Variants in CASP9 observed in about 807,000 individuals in gnomAD.
CASP9 encodes caspase-9.
A neutral mutation model predicts 43.5 loss-of-function variants in CASP9; 29 were observed. The observed-to-expected ratio is 0.67, with a 90% CI of 0.50 to 0.91. CASP9 has a LOEUF of 0.91. Ranked by LOEUF, CASP9 falls within the 40% of genes least tolerant of loss-of-function variation. The probability of loss-of-function intolerance (pLI) is 0.00; values close to 1 mark genes in which losing one functional copy is unlikely to be tolerated. For synonymous variants in CASP9, 206 were observed against 211.9 expected (o/e 0.97, Z 0.24); for missense variants, 575 against 537.4 (o/e 1.07, Z -0.69).
chr1:15,513,318 C>A (rs1387223633), intron 2 of CASP9, among the ~76,000 whole-genome samples: 2 of 152,068 alleles, frequency 1.3e-5, no homozygotes, highest in African/African-American at 2.4e-5. Context: ...CACATACACA[C>A]ACCCCCTATT....
Position 15,491,417 on chromosome 1 carries a change from A to G in CASP9, c.*1526T>C. ...CAAATCACATCTTGATGAGGGTTTT[A>G]TTATTATTATTAATTCAGAAATCCA... is the stretch of plus-strand genomic sequence containing the variant. On this transcript the variant is annotated 3_prime_UTR_variant, in exon 9 of 9. Transcript: ENST00000333868. 1 of 1,389,600 alleles carries G rather than the reference A, an allele frequency of 7.2e-7. No homozygotes were observed. Among genetic ancestry groups the G allele is most frequent in the Non-Finnish European group, 1.0e-6 (1 of 990,464 alleles). The allele number at this position is 1,389,600 out of a possible 1,614,324, so 86.1% of individuals were successfully genotyped here.
In CASP9 at chr1:15,517,667, T is replaced by C. The variant is rs77933411; in HGVS notation, c.418+443A>G. On this transcript the variant is annotated intron_variant, in intron 2 of 8. Transcript: ENST00000333868. ...TCTAATGATACCTGCCTTGCAAGGT[T>C]GCTATAAACGAAGAAGGTAAGGGTA... Among the ~76,000 whole-genome samples the C allele has an allele frequency of 2.6e-5, 4 of 152,214 alleles. No individual in the cohort carries two copies. In the East Asian group the frequency reaches 7.7e-4, roughly 29 times the overall value.
chr1:15,493,525 T>G (rs1570819806), intron 8 of CASP9: 1 of 1,375,274 alleles, frequency 7.3e-7, no homozygotes, highest in Middle Eastern at 2.7e-4. Flanking sequence ...GGGTCAAGAG[T>G]AGAAGACTAC....
chr1:15,510,334 G>A (rs552553691), intron 2 of CASP9, among the ~76,000 whole-genome samples: 10 of 152,300 alleles, frequency 6.6e-5, no homozygotes, highest in African/African-American at 2.4e-4. Flanking sequence ...GCTTAGAACA[G>A]GTCTGAACTA....
Position 15,524,071 on chromosome 1 carries a change from G to A in CASP9, c.130C>T (p.Gln44Ter). ...GGGACAGGGGGCCGGGGGCGCACCTGGATGTCCTCGATCATATGGGGCCTG... is the reference window on the plus strand; with the variant it reads ...GGGACAGGGGGCCGGGGGCGCACCTAGATGTCCTCGATCATATGGGGCCTG... ...LFRPHMIEDIQRAGSGSRRDQ... is the reference protein window; with the variant it reads ...LFRPHMIEDI Residue 44 changes from glutamine (Q) to a stop codon, truncating the protein, a stop_gained and splice_region_variant, in exon 1 of 9, where the codon CAG (glutamine) becomes TAG (stop). Transcript: ENST00000333868. LOFTEE classifies it high-confidence loss of function. The A allele has an allele frequency of 6.8e-7, 1 of 1,480,900 alleles. No individual in the cohort carries two copies. Among genetic ancestry groups the A allele is most frequent in the Non-Finnish European group, 8.9e-7 (1 of 1,121,376 alleles). The allele number at this position is 1,480,900 out of a possible 1,614,324, so 91.7% of individuals were successfully genotyped here.
chr1:15,518,111 G>A lies in CASP9; in HGVS notation c.417C>T (p.Val139=), dbSNP rs141693490. The A allele has an allele frequency of 1.5e-4, 250 of 1,613,448 alleles. No individual in the cohort carries two copies. The highest frequency in any genetic ancestry group is 1.9e-4 in the Non-Finnish European group (223 of 1,179,606). The change falls in exon 2 of 9, where the codon GTC becomes GTT. Residue 139 remains valine (V), a splice_region_variant and synonymous_variant. Transcript: ENST00000333868. ...ACCAATCACTCTCTTGCTACTTACC[G>A]ACATCACCAAATCCTCCAGAACCAA... is the stretch of plus-strand genomic sequence containing the variant. ...VDIGSGGFGD[V]GALESLRGNA... is the part of the protein sequence containing the mutation.
intron 6 of CASP9, among the ~76,000 whole-genome samples, chr1:15,496,141 GT>G (rs1231211766): frequency 1.5e-5 from 2 of 137,408 alleles, no homozygotes; most frequent in Non-Finnish European, 3.1e-5. Context: ...GATTTTTGGG[GT>G]TCATAAGAGA....
chr1:15,503,010 C>A (rs551229266), intron 6 of CASP9, among the ~76,000 whole-genome samples: 20 of 151,632 alleles, frequency 1.3e-4, no homozygotes, highest in Admixed American at 2.6e-4. Context: ...CTGGGTCCTC[C>A]GGGGTGGGAG....
At chr1:15,512,274 T>G (rs1709782919) in intron 2 of CASP9, among the ~76,000 whole-genome samples, 1 of 151,904 alleles carries the variant, frequency 6.6e-6, no homozygotes, top group Non-Finnish European at 1.5e-5. Flanking sequence ...ACCCAAATAT[T>G]TGGTTAAATA....
At chr1:15,506,599 C>T (rs1277794919) in intron 4 of CASP9, among the ~76,000 whole-genome samples, 4 of 152,114 alleles carry the variant, frequency 2.6e-5, no homozygotes, top group South Asian at 4.1e-4. Context: ...GAAGGTGCTA[C>T]GCTTGGGCAC....
chr1:15,495,282 T>G lies in CASP9; in HGVS notation c.1039A>C (p.Thr347Pro), dbSNP rs1709062686. The G allele has an allele frequency of 6.2e-7, 1 of 1,610,228 alleles. No individual in the cohort carries two copies. Among genetic ancestry groups the G allele is most frequent in the Non-Finnish European group, 8.5e-7 (1 of 1,178,638 alleles). ...TPSDIFVSYSTFPGFVSWRDP... is the reference protein window; with the variant it reads ...TPSDIFVSYSPFPGFVSWRDP... ...CTTCTGATGTGCTCACCTGGGAAAG[T>G]AGAGTAGGACACAAAGATGTCACTG... The change falls in exon 7 of 9, where the codon ACT becomes CCT. Residue 347 changes from threonine to proline, a missense_variant. Coordinates refer to ENST00000333868, the MANE Select transcript of CASP9 (RefSeq NM_001229.5).
chr1:15,501,468 T>C (rs1267263042), intron 6 of CASP9, among the ~76,000 whole-genome samples: 1 of 152,132 alleles, frequency 6.6e-6, no homozygotes, highest in Admixed American at 6.5e-5. Context: ...AGTTATAAAA[T>C]AGCAATACAA....
At chr1:15,501,759 T>C (rs941007801) in intron 6 of CASP9, among the ~76,000 whole-genome samples, 11 of 148,422 alleles carry the variant, frequency 7.4e-5, no homozygotes, top group Non-Finnish European at 1.5e-4. Context: ...TTGGCTCATA[T>C]TTTTTTTTTA....
intron 6 of CASP9, among the ~76,000 whole-genome samples, chr1:15,497,318 A>G (rs1032705947): frequency 2.0e-5 from 3 of 149,344 alleles, no homozygotes; most frequent in Non-Finnish European, 4.4e-5. Context: ...CTAAAAAAAA[A>G]AAAAAAAAAG....
intron 1 of CASP9, among the ~76,000 whole-genome samples, chr1:15,523,467 G>T (rs1161576777): frequency 6.6e-6 from 1 of 152,142 alleles, no homozygotes; most frequent in African/African-American, 2.4e-5. Context: ...CTCCTTCCTC[G>T]CAAGTATTAA....
intron 1 of CASP9, chr1:15,520,054 A>C (rs1710119124): frequency 6.6e-6 from 1 of 152,324 alleles, no homozygotes. Flanking sequence ...TCAGTCACTA[A>C]GAAGGAAGAG....
chr1:15,519,080 G>C (rs1475692803), intron 1 of CASP9, among the ~76,000 whole-genome samples: 1 of 150,898 alleles, frequency 6.6e-6, no homozygotes, highest in Non-Finnish European at 1.5e-5. Context: ...GTTTCACCAT[G>C]TTGCCCAGGC....
At chr1:15,501,104 G>A (rs144395595) in intron 6 of CASP9, among the ~76,000 whole-genome samples, 1 of 152,146 alleles carries the variant, frequency 6.6e-6, no homozygotes, top group South Asian at 2.1e-4. Context: ...TATACAGTAG[G>A]AGGAGATGTT....
At chr1:15,524,248 C>A (rs1002494022), upstream of CASP9, 23 of 1,522,812 alleles carry the variant, frequency 1.5e-5, no homozygotes, top group Admixed American at 4.0e-5. Flanking sequence ...CGCTTCCGGG[C>A]CTCGGCCGCC....
Sources: gnomAD v4.1 joint callset for allele counts (sites outside exome capture counted in the v4.1 genomes callset) on GRCh38, gnomAD v4.1.1 for gene constraint, MANE v1.5 for transcripts, NCBI Gene and HGNC (gene_info 2026-07-23, HGNC 2026-07-21) for gene names.